The following SLC8A3 variants were observed in gnomAD, a reference collection of about 807,000 sequenced individuals.
SLC8A3 encodes solute carrier family 8 member A3.
Under a neutral mutation model 65.4 loss-of-function variants are expected in SLC8A3, and 37 were observed. The ratio of observed to expected loss-of-function variants is 0.57; its 90% CI spans 0.44 to 0.74. The LOEUF (loss-of-function observed/expected upper bound fraction) is 0.74. Ranked by LOEUF, SLC8A3 falls within the 30% of genes least tolerant of loss-of-function variation. SLC8A3 has a pLI of 0.00. For synonymous variants in SLC8A3, 461 were observed against 444.5 expected (o/e 1.04, Z -0.47); for missense variants, 1,112 against 1,172.1 (o/e 0.95, Z 0.75).
intron 2 of SLC8A3, among the ~76,000 whole-genome samples, chr14:70,150,115 G>A (rs1337633583): frequency 6.6e-6 from 1 of 152,188 alleles, no homozygotes; most frequent in Non-Finnish European, 1.5e-5. Flanking sequence ...TCAAATGGCT[G>A]TGACATGTCC....
intron 2 of SLC8A3, among the ~76,000 whole-genome samples, chr14:70,095,459 AACTT>A (rs1214980768): frequency 2.0e-5 from 3 of 152,232 alleles, no homozygotes; most frequent in Non-Finnish European, 4.4e-5. Context: ...AAAAGCACAC[AACTT>A]ACTTATGCTT....
At chr14:70,091,456 T>C (rs1031884987) in intron 2 of SLC8A3, among the ~76,000 whole-genome samples, 6 of 152,214 alleles carry the variant, frequency 3.9e-5, no homozygotes, top group African/African-American at 1.4e-4. Flanking sequence ...TTCTTTAATA[T>C]CGTATACCCC....
At position 70,161,016 on chromosome 14, in the gene SLC8A3, T is replaced by A. The variant is rs1571373; in HGVS notation, c.1784+5623A>T. Among the ~76,000 whole-genome samples the A allele has an allele frequency of 6.7e-5, 10 of 150,176 alleles. No individual in the cohort carries two copies. The East Asian group carries it at 1.8e-3, about 26-fold the overall frequency. ...TCCCAGCACTTTGGGAGGCTGAGGC[T>A]GGTGGATCACGAGGTCAGGAGATCG... On this transcript the variant is annotated intron_variant, in intron 2 of 6. Transcript: ENST00000356921.
chr14:70,128,144 G>T lies in SLC8A3; in HGVS notation c.1784+38495C>A, dbSNP rs931216992. Reference sequence around the variant, plus strand: ...TGTTATGATGGATTGAAATTGGGCAGTCATTCATCTTTGACCCTGTTCTCT... The same window carrying T: ...TGTTATGATGGATTGAAATTGGGCATTCATTCATCTTTGACCCTGTTCTCT... On this transcript the variant is annotated intron_variant, in intron 2 of 6. Coordinates refer to ENST00000356921, the MANE Select transcript of SLC8A3 (RefSeq NM_182932.3). Among the ~76,000 whole-genome samples the T allele has an allele frequency of 8.5e-5, 13 of 152,192 alleles. No individual in the cohort carries two copies. The East Asian group carries it at 2.1e-3, about 25-fold the overall frequency.
At chr14:70,077,866 G>A (rs564022227) in intron 2 of SLC8A3, among the ~76,000 whole-genome samples, 1 of 152,366 alleles carries the variant, frequency 6.6e-6, no homozygotes, top group South Asian at 2.1e-4. Flanking sequence ...CCTTGCAAAA[G>A]ACATCTGCCC....
At chr14:70,055,854 G>T in intron 3 of SLC8A3, 1 of 1,590,948 alleles carries the variant, frequency 6.3e-7, no homozygotes, top group Non-Finnish European at 8.6e-7. Context: ...AGAAAGAAAA[G>T]GAAAGAGCAT....
rs762324070 is a variant in SLC8A3 at position 70,167,271 on chromosome 14, G to C, written c.1152C>G (p.Ser384Arg). The change falls in exon 2 of 7, where the codon AGC (serine) becomes AGG (arginine). Residue 384 changes from serine (S) to arginine (R), a missense_variant. Ser to Arg is a moderately radical substitution (Grantham distance 110). Transcript: ENST00000356921. ...CCTCAGGCTCATCGGTGTGCACCTCGCTCATGCTGGAGGCCTTCTTGGCTT... is the reference window on the plus strand; with the variant it reads ...CCTCAGGCTCATCGGTGTGCACCTCCCTCATGCTGGAGGCCTTCTTGGCTT... ...AEQAKKASSMSEVHTDEPEDF... is the reference protein window; with the variant it reads ...AEQAKKASSMREVHTDEPEDF... 1 of 1,614,140 alleles carries C rather than the reference G, an allele frequency of 6.2e-7. No homozygotes were observed. Among genetic ancestry groups the C allele is most frequent in the East Asian group, 2.2e-5 (1 of 44,882 alleles).
chr14:70,178,254 A>G (rs1419376138), intron 1 of SLC8A3, among the ~76,000 whole-genome samples: 1 of 152,222 alleles, frequency 6.6e-6, no homozygotes, highest in Non-Finnish European at 1.5e-5. Context: ...GAACCCAATC[A>G]AGGCCTTAGA....
At chr14:70,165,014 C>T (rs1897092510) in intron 2 of SLC8A3, among the ~76,000 whole-genome samples, 1 of 152,204 alleles carries the variant, frequency 6.6e-6, no homozygotes, top group South Asian at 2.1e-4. Flanking sequence ...GGCCATTTCC[C>T]TTCAGGAGAC....
chr14:70,075,638 G>A (rs1890439930), intron 2 of SLC8A3, among the ~76,000 whole-genome samples: 1 of 151,986 alleles, frequency 6.6e-6, no homozygotes, highest in East Asian at 1.9e-4. Context: ...CTTCTTACCT[G>A]GCCTCTTGCA....
chr14:70,075,124 T>C (rs965839211), intron 2 of SLC8A3, among the ~76,000 whole-genome samples: 2 of 150,972 alleles, frequency 1.3e-5, no homozygotes, highest in South Asian at 4.2e-4. Context: ...ACTGTGTGTA[T>C]GTGTGTGTGT....
intron 1 of SLC8A3, among the ~76,000 whole-genome samples, chr14:70,180,440 C>T (rs1882649152): frequency 6.6e-6 from 1 of 152,178 alleles, no homozygotes; most frequent in Non-Finnish European, 1.5e-5. Context: ...GTGCTAGGAG[C>T]AGATTCCTCA....
intron 2 of SLC8A3, among the ~76,000 whole-genome samples, chr14:70,114,424 C>T (rs1267879378): frequency 6.6e-6 from 1 of 152,182 alleles, no homozygotes; most frequent in Non-Finnish European, 1.5e-5. Context: ...TCACTACCTG[C>T]AACAGTATTC....
intron 1 of SLC8A3, among the ~76,000 whole-genome samples, chr14:70,177,173 T>C (rs1238839177): frequency 6.6e-6 from 1 of 152,216 alleles, no homozygotes; most frequent in Non-Finnish European, 1.5e-5. Flanking sequence ...GCCTGGCATA[T>C]CACAGATGCT....
At chr14:70,153,860 T>C (rs1283384200) in intron 2 of SLC8A3, among the ~76,000 whole-genome samples, 3 of 152,156 alleles carry the variant, frequency 2.0e-5, no homozygotes, top group Non-Finnish European at 4.4e-5. Context: ...GGACATGGCA[T>C]CAAAGGAGGT....
rs1897170454 is a variant in SLC8A3, at chr14:70,166,569, G to A, written c.1784+70C>T. Reference sequence around the variant, plus strand: ...ACACAAGGAAATGTTGTAAAGTGCAGTACAGAAAGACAGAAAGAGATGGCA... The same window carrying A: ...ACACAAGGAAATGTTGTAAAGTGCAATACAGAAAGACAGAAAGAGATGGCA... On this transcript the variant is annotated intron_variant, in intron 2 of 6. Coordinates refer to ENST00000356921, the MANE Select transcript of SLC8A3 (RefSeq NM_182932.3). The A allele has an allele frequency of 3.3e-6, 3 of 911,080 alleles. No individual in the cohort carries two copies. The African/African-American group carries it at 5.0e-5, about 15-fold the overall frequency. 56.4% of individuals were successfully genotyped at this position (911,080 alleles called of 1,614,324 possible). A position where few individuals can be genotyped will look rare whatever the true frequency, so the allele number is the denominator to read the frequency against.
At chr14:70,080,139 T>C (rs1168585202) in intron 2 of SLC8A3, 6 of 985,418 alleles carry the variant, frequency 6.1e-6, no homozygotes, top group Non-Finnish European at 7.2e-6. Context: ...TGGCTGCCAG[T>C]TATCGTCTGG....
rs1886558876 is a variant in SLC8A3, at chr14:70,044,690, C to A, written c.*1257G>T. ...TGGGAGAAATGAGGAATTCCAGTTC[C>A]TATCTTGTAAAAATGCTTTCATATG... On this transcript the variant is annotated 3_prime_UTR_variant, in exon 7 of 7. Transcript: ENST00000356921. 1 of 152,108 alleles carries A rather than the reference C, an allele frequency of 6.6e-6. No individual in the cohort carries two copies. Among genetic ancestry groups the A allele is most frequent in the Admixed American group, 6.5e-5 (1 of 15,270 alleles). 9.4% of individuals were successfully genotyped at this position (152,108 alleles called of 1,614,324 possible). A position where few individuals can be genotyped will look rare whatever the true frequency, so the allele number is the denominator to read the frequency against.
chr14:70,125,917 T>C (rs992845799), intron 2 of SLC8A3, among the ~76,000 whole-genome samples: 2 of 152,228 alleles, frequency 1.3e-5, no homozygotes, highest in Admixed American at 6.5e-5. Flanking sequence ...ATCACAGAAG[T>C]CCTGGCTTTA....
Sources: allele counts gnomAD v4.1 joint callset (sites outside exome capture counted in the v4.1 genomes callset), GRCh38; gene constraint gnomAD v4.1.1; transcripts MANE v1.5; gene names NCBI Gene and HGNC (gene_info 2026-07-23, HGNC 2026-07-21).